The following TDRD5 variants were observed in gnomAD, a reference collection of about 807,000 sequenced individuals.
TDRD5 encodes the protein tudor domain-containing protein 5.
A neutral mutation model predicts 120.6 loss-of-function variants in TDRD5; 41 were observed. The observed-to-expected ratio is 0.34, with a 90% confidence interval of 0.26 to 0.44. The LOEUF (loss-of-function observed/expected upper bound fraction) is 0.44, where lower values mean the gene tolerates loss of function less well. TDRD5 is among the 20% of genes least tolerant of loss of function. The pLI is 1.00. For synonymous variants in TDRD5, 430 were observed against 433.7 expected, an observed-to-expected ratio of 0.99 and a Z score of 0.11; for missense variants, 1,006 against 1,221.2, an observed-to-expected ratio of 0.82 and a Z score of 2.63.
chr1:179,611,064 C>CT (rs752583547), intron 4 of TDRD5, among the ~76,000 whole-genome samples: 1,705 of 144,928 alleles, frequency 0.012, 26 homozygotes, highest in African/African-American at 0.038. Context: ...TGTTGTGATA[C>CT]TTTTTTTTTT....
chr1:179,666,042 C>A (rs549223088), intron 16 of TDRD5, among the ~76,000 whole-genome samples: 1 of 152,302 alleles, frequency 6.6e-6, no homozygotes, highest in East Asian at 1.9e-4. Flanking sequence ...TCTCTAGCTA[C>A]CACACTTGTT....
At chr1:179,662,310 A>G (rs752988682) in intron 15 of TDRD5, 24 bp downstream of exon 15, 1 of 1,596,036 alleles carries the variant, frequency 6.3e-7, no homozygotes, top group East Asian at 2.3e-5. Flanking sequence ...AAAAATAGAA[A>G]GCAAATCAGG....
intron 9 of TDRD5, among the ~76,000 whole-genome samples, chr1:179,637,943 T>C (rs932681756): frequency 2.0e-5 from 3 of 152,110 alleles, no homozygotes; most frequent in Non-Finnish European, 4.4e-5. Context: ...AGACAAGAAT[T>C]TGCGAGTCAA....
intron 7 of TDRD5, among the ~76,000 whole-genome samples, chr1:179,634,170 CAAAAAACA>C (rs770749057): frequency 3.5e-4 from 51 of 145,648 alleles, no homozygotes; most frequent in African/African-American, 1.3e-3. Flanking sequence ...GACTTCATCT[CAAAAAACA>C]AAAAAACAAA....
At chr1:179,645,328 G>A (rs1185404253) in intron 11 of TDRD5, among the ~76,000 whole-genome samples, 3 of 151,558 alleles carry the variant, frequency 2.0e-5, no homozygotes, top group Non-Finnish European at 2.9e-5. Context: ...CTCGTGATCC[G>A]CCCGCCTCGG....
chr1:179,685,504 A>G (rs1231443537), intron 17 of TDRD5, among the ~76,000 whole-genome samples: 2 of 152,234 alleles, frequency 1.3e-5, no homozygotes, highest in Non-Finnish European at 1.5e-5. Context: ...CTTTTGGCTT[A>G]GGATTGTCTT....
At position 179,635,707 on chromosome 1, in the gene TDRD5, C is replaced by T. The variant is rs368635488; in HGVS notation, c.1340C>T (p.Ala447Val). The change falls in exon 9 of 18, where the codon GCA (alanine) becomes GTA (valine). Residue 447 changes from alanine (A) to valine (V), a missense_variant. By Grantham distance (64) the Ala-to-Val change is moderately conservative. Around this residue, in one of 3 missense-constraint regions of TDRD5, gnomAD observed 158 missense variants for 257.5 expected, o/e 0.61. Transcript: ENST00000444136. Reference protein sequence around the residue: ...TNKSELNLAMANHDIPPDAVP... With the variant: ...TNKSELNLAMVNHDIPPDAVP... The stretch of plus-strand genomic sequence containing the variant: ...AAATCAGAGCTCAACTTGGCAATGG[C>T]AAATCATGACATCCCGCCAGACGCT... 4 of 1,613,850 alleles carry T rather than the reference C, an allele frequency of 2.5e-6. No individual in the cohort carries two copies. The highest frequency in any genetic ancestry group is 8.5e-7 in the Non-Finnish European group (1 of 1,179,992).
intron 17 of TDRD5, among the ~76,000 whole-genome samples, chr1:179,679,321 T>G (rs1482420294): frequency 2.0e-5 from 3 of 152,168 alleles, no homozygotes; most frequent in African/African-American, 7.2e-5. Flanking sequence ...TTGTCTATAG[T>G]TTTCTTTTTT....
chr1:179,638,026 G>T (rs187734698), intron 9 of TDRD5, among the ~76,000 whole-genome samples: 2 of 152,172 alleles, frequency 1.3e-5, no homozygotes, highest in South Asian at 2.1e-4. Flanking sequence ...AGTAAGTGGC[G>T]TGCGCTGGGA....
chr1:179,687,606 T>C (rs1488194578), intron 17 of TDRD5, among the ~76,000 whole-genome samples: 1 of 152,286 alleles, frequency 6.6e-6, no homozygotes, highest in Non-Finnish European at 1.5e-5. Context: ...CTTGTTAACT[T>C]TCTGTCTCAT....
At chr1:179,679,717 C>CT (rs35007382) in intron 17 of TDRD5, among the ~76,000 whole-genome samples, 54,312 of 150,746 alleles carry the variant, frequency 0.36, 9,772 homozygotes, top group Admixed American at 0.43. Flanking sequence ...TTTTTCCCCC[C>CT]ATCTAGAGGT....
chr1:179,593,941 G>C (rs1470974980), intron 3 of TDRD5, 74 bp downstream of exon 3: 3 of 1,520,614 alleles, frequency 2.0e-6, no homozygotes, highest in Non-Finnish European at 2.6e-6. Context: ...CTATGAGTTC[G>C]TTAGAGTTGA....
intron 17 of TDRD5, among the ~76,000 whole-genome samples, chr1:179,688,908 G>T (rs1165858587): frequency 2.6e-5 from 4 of 152,126 alleles, no homozygotes; most frequent in Non-Finnish European, 2.9e-5. Flanking sequence ...AGTCTTTAAG[G>T]TCTTCTCTAT....
chr1:179,671,886 TTCC>T (rs1286923135), intron 17 of TDRD5, among the ~76,000 whole-genome samples: 7 of 152,198 alleles, frequency 4.6e-5, no homozygotes, highest in Non-Finnish European at 2.9e-5. Context: ...TAGTCTCGAA[TTCC>T]ATCCAGGTTG....
intron 4 of TDRD5, among the ~76,000 whole-genome samples, chr1:179,613,034 T>G (rs1011300170): frequency 6.6e-6 from 1 of 152,112 alleles, no homozygotes; most frequent in African/African-American, 2.4e-5. Flanking sequence ...ACCATGAGAT[T>G]AAGGTAGATA....
chr1:179,640,230 T>C (rs1415061883), intron 10 of TDRD5, 149 bp from the exon 11 acceptor site: 2 of 1,033,304 alleles, frequency 1.9e-6, no homozygotes, highest in Middle Eastern at 2.7e-4. Context: ...GTAACTCTTG[T>C]GTTATCTTTT....
intron 4 of TDRD5, among the ~76,000 whole-genome samples, chr1:179,616,425 C>T (rs1676567329): frequency 6.6e-6 from 1 of 152,116 alleles, no homozygotes; most frequent in Non-Finnish European, 1.5e-5. Flanking sequence ...TCTCTCCCAG[C>T]ACCCCAGTTA....
At chr1:179,675,391 T>A (rs1003882049) in intron 17 of TDRD5, among the ~76,000 whole-genome samples, 2 of 146,562 alleles carry the variant, frequency 1.4e-5, no homozygotes, top group Non-Finnish European at 3.0e-5. Flanking sequence ...GCCATTCTCC[T>A]GCCTCAGCCT....
intron 14 of TDRD5, among the ~76,000 whole-genome samples, chr1:179,655,455 T>G (rs1415994843): frequency 2.0e-5 from 3 of 152,260 alleles, no homozygotes; most frequent in African/African-American, 7.2e-5. Context: ...TTTCCTTTTA[T>G]AAATTAACAC....
Sources: gnomAD v4.1 joint callset for allele counts (sites outside exome capture counted in the v4.1 genomes callset) on GRCh38, gnomAD v4.1.1 for gene constraint, gnomAD v4.1.1 regional missense constraint, MANE v1.5 for transcripts, NCBI Gene and HGNC (gene_info 2026-07-23, HGNC 2026-07-21) for gene names.